The following LRRTM4 variants were observed in gnomAD, a reference collection of about 807,000 sequenced individuals.
LRRTM4 encodes leucine-rich repeat transmembrane neuronal protein 4.
In LRRTM4, 25 loss-of-function variants were observed where a neutral mutation model predicts 47.6. The observed-to-expected ratio is 0.53, with a 90% CI of 0.38 to 0.73. The LOEUF is 0.73. Ranked by LOEUF, LRRTM4 falls within the 30% of genes least tolerant of loss-of-function variation. The pLI is 0.00. For synonymous variants in LRRTM4, 311 were observed against 269.5 expected (o/e 1.15, Z -1.51); for missense variants, 638 against 713.4 (o/e 0.89, Z 1.20).
intron 3 of LRRTM4, among the ~76,000 whole-genome samples, chr2:77,020,747 G>A (rs1678237977): frequency 6.6e-6 from 1 of 152,124 alleles, no homozygotes; most frequent in East Asian, 1.9e-4. Flanking sequence ...ATTTCTTAAA[G>A]AAAAGAAATG....
At chr2:77,035,552 CTTT>C (rs1678808744) in intron 3 of LRRTM4, among the ~76,000 whole-genome samples, 1 of 151,696 alleles carries the variant, frequency 6.6e-6, no homozygotes, top group Admixed American at 6.6e-5. Flanking sequence ...TTTTGCTTTT[CTTT>C]TAACATAAAC....
At position 77,509,616 on chromosome 2, in the gene LRRTM4, C is replaced by T. The variant is rs929280594; in HGVS notation, c.1551+8702G>A. Among the ~76,000 whole-genome samples the T allele has an allele frequency of 2.6e-5, 4 of 152,084 alleles. No homozygotes were observed. The South Asian group carries it at 8.3e-4, about 31-fold the overall frequency. The stretch of plus-strand genomic sequence containing the variant: ...ACTAATAATAACAATGAAAATAATA[C>T]AGCTACATTGTATTTTGCATTTTTC... On this transcript the variant is annotated intron_variant, in intron 3 of 3. Coordinates refer to ENST00000409884, the MANE Select transcript of LRRTM4 (RefSeq NM_001134745.3).
At chr2:76,866,938 A>T (rs1431788697) in intron 3 of LRRTM4, among the ~76,000 whole-genome samples, 8 of 152,342 alleles carry the variant, frequency 5.3e-5, no homozygotes, top group African/African-American at 1.9e-4. Context: ...ATGAAGCTGG[A>T]AACTATCATC....
At chr2:77,135,089 A>C (rs1671898274) in intron 3 of LRRTM4, among the ~76,000 whole-genome samples, 3 of 152,230 alleles carry the variant, frequency 2.0e-5, no homozygotes, top group African/African-American at 2.4e-5. Flanking sequence ...CAGCAACTAC[A>C]TATGGACGGA....
chr2:77,251,696 T>C (rs1675621589), intron 3 of LRRTM4, among the ~76,000 whole-genome samples: 1 of 152,192 alleles, frequency 6.6e-6, no homozygotes. Flanking sequence ...GAACTAACAG[T>C]AGAGACTATA....
chr2:77,352,681 C>T (rs1270493738), intron 3 of LRRTM4, among the ~76,000 whole-genome samples: 1 of 152,042 alleles, frequency 6.6e-6, no homozygotes, highest in Admixed American at 6.6e-5. Context: ...ATTTCATTTT[C>T]CAAACCAAGA....
intron 3 of LRRTM4, among the ~76,000 whole-genome samples, chr2:76,954,728 G>A (rs892366382): frequency 3.3e-5 from 5 of 151,658 alleles, no homozygotes; most frequent in African/African-American, 1.2e-4. Context: ...AGAAGCCCAC[G>A]CTGATATACG....
intron 3 of LRRTM4, among the ~76,000 whole-genome samples, chr2:77,123,169 G>A (rs920927592): frequency 2.7e-5 from 4 of 147,678 alleles, no homozygotes; most frequent in African/African-American, 1.0e-4. Context: ...ATAAGCAAAT[G>A]AACAAGCCAA....
chr2:76,945,057 C>A (rs77830235), intron 3 of LRRTM4, among the ~76,000 whole-genome samples: 369 of 152,078 alleles, frequency 2.4e-3, no homozygotes, highest in African/African-American at 8.6e-3. Flanking sequence ...AACTTTAATT[C>A]AGCTTTAGGA....
intron 3 of LRRTM4, among the ~76,000 whole-genome samples, chr2:76,811,497 T>C (rs1383702410): frequency 6.6e-6 from 1 of 152,152 alleles, no homozygotes; most frequent in Non-Finnish European, 1.5e-5. Context: ...CCATCGCCTC[T>C]ACTCTACATT....
intron 3 of LRRTM4, among the ~76,000 whole-genome samples, chr2:76,828,266 A>C (rs914253859): frequency 2.6e-5 from 4 of 151,916 alleles, no homozygotes; most frequent in African/African-American, 9.7e-5. Context: ...AAATTGCAGT[A>C]AAGTAGGAAA....
chr2:77,425,954 T>TAA (rs566352644), intron 3 of LRRTM4, among the ~76,000 whole-genome samples: 1 of 144,108 alleles, frequency 6.9e-6, no homozygotes, highest in Non-Finnish European at 1.5e-5. Context: ...CTGTCTCTAT[T>TAA]AAAAAAAAAA....
At chr2:76,887,703 A>G (rs1440287335) in intron 3 of LRRTM4, among the ~76,000 whole-genome samples, 1 of 134,428 alleles carries the variant, frequency 7.4e-6, no homozygotes, top group Non-Finnish European at 1.6e-5. Context: ...ATGGGATTCA[A>G]TGGGAGATAA....
At chr2:77,446,222 C>T (rs183911480) in intron 3 of LRRTM4, among the ~76,000 whole-genome samples, 1 of 152,050 alleles carries the variant, frequency 6.6e-6, no homozygotes, top group East Asian at 1.9e-4. Flanking sequence ...TCCATCTTGG[C>T]ACTACTGATA....
At chr2:77,356,673 T>C (rs1671979372) in intron 3 of LRRTM4, among the ~76,000 whole-genome samples, 1 of 152,194 alleles carries the variant, frequency 6.6e-6, no homozygotes. Context: ...TAAATGTGTA[T>C]AATGACTACA....
intron 3 of LRRTM4, among the ~76,000 whole-genome samples, chr2:77,246,808 A>G (rs563363576): frequency 3.7e-4 from 56 of 152,182 alleles, no homozygotes; most frequent in African/African-American, 1.3e-3. Flanking sequence ...GCCTATATAC[A>G]TATACATATG....
chr2:76,863,749 G>A (rs1056824670), intron 3 of LRRTM4, among the ~76,000 whole-genome samples: 5 of 152,174 alleles, frequency 3.3e-5, no homozygotes, highest in Non-Finnish European at 7.3e-5. Flanking sequence ...TGGAGAGGAA[G>A]AGAAAGTAAT....
chr2:76,822,627 C>T (rs537315806), intron 3 of LRRTM4, among the ~76,000 whole-genome samples: 18 of 151,522 alleles, frequency 1.2e-4, no homozygotes, highest in Middle Eastern at 3.4e-3. Context: ...AAATAAAATA[C>T]GCTAACCAGA....
At chr2:76,792,804 T>C (rs1218949877) in intron 3 of LRRTM4, among the ~76,000 whole-genome samples, 1 of 152,204 alleles carries the variant, frequency 6.6e-6, no homozygotes, top group African/African-American at 2.4e-5. Flanking sequence ...AGCTTGTATC[T>C]GGTTACTTCC....
Sources: allele counts gnomAD v4.1 joint callset (sites outside exome capture counted in the v4.1 genomes callset), GRCh38; gene constraint gnomAD v4.1.1; transcripts MANE v1.5; gene names NCBI Gene and HGNC (gene_info 2026-07-23, HGNC 2026-07-21).